SOX10: variants seen among roughly 807,000 people sequenced by gnomAD.
The protein encoded by SOX10 is transcription factor SOX-10.
In SOX10, 3 loss-of-function variants were observed where a neutral mutation model predicts 35.0. The observed-to-expected ratio is 0.09, with a 90% CI of 0.04 to 0.22. The LOEUF is 0.22. Ranked by LOEUF, SOX10 falls within the 10% of genes least tolerant of loss-of-function variation. SOX10 has a pLI of 1.00. For missense variants in SOX10, 436 were observed against 655.1 expected (o/e 0.67, Z 3.65); for synonymous variants, 285 against 291.0 (o/e 0.98, Z 0.21).
chr22:37,973,283 C>A lies in SOX10; in HGVS notation c.*212G>T. The A allele has an allele frequency of 1.8e-6, 1 of 555,118 alleles. No homozygotes were observed. Among genetic ancestry groups the A allele is most frequent in the South Asian group, 2.6e-5 (1 of 37,986 alleles). 34.4% of individuals were successfully genotyped at this position (555,118 alleles called of 1,614,324 possible). ...ACAGTCAACCTCCTTCTCCTCTGTC[C>A]AGCCTGTTCTCCTGGGGCTTTGCTG... On this transcript the variant is annotated 3_prime_UTR_variant, in exon 4 of 4. Coordinates refer to ENST00000396884, the MANE Select transcript of SOX10 (RefSeq NM_006941.4).
rs911182020 is a variant in SOX10 at position 37,980,211 on chromosome 22, C to G, written c.429-2076G>C. Among the ~76,000 whole-genome samples the G allele has an allele frequency of 1.3e-5, 2 of 152,080 alleles. No individual in the cohort carries two copies. The highest frequency in any genetic ancestry group is 4.8e-5 in the African/African-American group (2 of 41,398). On this transcript the variant is annotated intron_variant, in intron 2 of 3. Coordinates refer to ENST00000396884, the MANE Select transcript of SOX10 (RefSeq NM_006941.4). This position sits in a 1 kb window ranked among gnomAD's most constrained non-coding sequence, Gnocchi z 4.1. ...GGGCACCCTCTCTGACGGCTGGGACCAGGGGAGGGGGTGGAGCAGGCCTTG... is the reference window on the plus strand; with the variant it reads ...GGGCACCCTCTCTGACGGCTGGGACGAGGGGAGGGGGTGGAGCAGGCCTTG...
intron 2 of SOX10, among the ~76,000 whole-genome samples, chr22:37,982,088 A>C (rs1932417439): frequency 6.6e-6 from 1 of 152,082 alleles, no homozygotes; most frequent in Admixed American, 6.5e-5. Flanking sequence ...CAAAGCCCTA[A>C]TTTTCTGGAA....
chr22:37,983,942 C>T lies in SOX10; in HGVS notation c.-84-74G>A, dbSNP rs1242242603. The T allele has an allele frequency of 2.1e-6, 1 of 486,506 alleles. No homozygotes were observed. The highest frequency in any genetic ancestry group is 2.1e-5 in the African/African-American group (1 of 47,268). 30.1% of individuals were successfully genotyped at this position (486,506 alleles called of 1,614,324 possible). A position where few individuals can be genotyped will look rare whatever the true frequency, so the allele number is the denominator to read the frequency against. ...GGCGGCCCGAGACAGGACGTGGGCA[C>T]AGCCCCGAGGTGGCGGCCCTTCCTG... On this transcript the variant is annotated intron_variant, in intron 1 of 3. Coordinates refer to ENST00000396884, the MANE Select transcript of SOX10 (RefSeq NM_006941.4). This position sits in a 1 kb window ranked among gnomAD's most constrained non-coding sequence, Gnocchi z 9.5.
chr22:37,973,300 G>A lies in SOX10; in HGVS notation c.*195C>T. 1.8e-6 allele frequency: 1 copy of A among 566,164 alleles called. No individual in the cohort carries two copies. The highest frequency in any genetic ancestry group is 3.1e-6 in the Non-Finnish European group (1 of 318,418). 35.1% of individuals were successfully genotyped at this position (566,164 alleles called of 1,614,324 possible). A position where few individuals can be genotyped will look rare whatever the true frequency, so the allele number is the denominator to read the frequency against. On this transcript the variant is annotated 3_prime_UTR_variant, in exon 4 of 4. Transcript: ENST00000396884. ...CCTCTGTCCAGCCTGTTCTCCTGGG[G>A]CTTTGCTGCTGGAGCCTGGATGGGG...
Position 37,984,320 on chromosome 22 carries a change from G to C in SOX10, c.-85+19C>G, listed in dbSNP as rs1569171598. The C allele has an allele frequency of 1.3e-5, 2 of 153,138 alleles. No individual in the cohort carries two copies. Among genetic ancestry groups the C allele is most frequent in the Non-Finnish European group, 2.9e-5 (2 of 68,514 alleles). The allele number at this position is 153,138 out of a possible 1,614,324, so 9.5% of individuals were successfully genotyped here. A position where few individuals can be genotyped will look rare whatever the true frequency, so the allele number is the denominator to read the frequency against. On this transcript the variant is annotated intron_variant, in intron 1 of 3. Transcript: ENST00000396884. This position sits in a 1 kb window ranked among gnomAD's most constrained non-coding sequence, Gnocchi z 4.4. ...TCCCAGGCCTGGGCGGGCCAGGGAG[G>C]AGCAGGCTGCGCACTCACCTCCTCG...
Position 37,983,810 on chromosome 22 carries a change from G to A in SOX10, c.-26C>T, listed in dbSNP as rs1932485233. Reference sequence around the variant, plus strand: ...GTCGCCCCCGGCCGCCGCCGCCGCCGCCTCGGCCGCCTCCCCCGGGCCAGC... The same window carrying A: ...GTCGCCCCCGGCCGCCGCCGCCGCCACCTCGGCCGCCTCCCCCGGGCCAGC... On this transcript the variant is annotated 5_prime_UTR_variant, in exon 2 of 4. Coordinates refer to ENST00000396884, the MANE Select transcript of SOX10 (RefSeq NM_006941.4). The surrounding 1 kb of genome is among the most constrained non-coding windows in gnomAD (Gnocchi z 9.5). 7.1e-7 allele frequency: 1 copy of A among 1,403,662 alleles called. No individual in the cohort carries two copies. The highest frequency in any genetic ancestry group is 2.7e-5 in the Admixed American group (1 of 36,944). 87.0% of individuals were successfully genotyped at this position (1,403,662 alleles called of 1,614,324 possible). A position where few individuals can be genotyped will look rare whatever the true frequency, so the allele number is the denominator to read the frequency against.
chr22:37,972,555 C>T lies in SOX10; in HGVS notation c.*940G>A, dbSNP rs980160029. Reference sequence around the variant, plus strand: ...GTACAGGTCAGGATTCTAGTGTCTTCAGCCTGCCGACAGCAACCTGGGTGC... The same window carrying T: ...GTACAGGTCAGGATTCTAGTGTCTTTAGCCTGCCGACAGCAACCTGGGTGC... On this transcript the variant is annotated 3_prime_UTR_variant, in exon 4 of 4. Transcript: ENST00000396884. 4.1e-6 allele frequency: 1 copy of T among 242,268 alleles called. No homozygotes were observed. The highest frequency in any genetic ancestry group is 8.3e-6 in the Non-Finnish European group (1 of 121,090). The allele number at this position is 242,268 out of a possible 1,614,324, so 15.0% of individuals were successfully genotyped here. A position where few individuals can be genotyped will look rare whatever the true frequency, so the allele number is the denominator to read the frequency against.
At chr22:37,982,546 C>T (rs1932432588) in intron 2 of SOX10, among the ~76,000 whole-genome samples, 1 of 152,168 alleles carries the variant, frequency 6.6e-6, no homozygotes, top group Non-Finnish European at 1.5e-5. Flanking sequence ...CTGAGGGCCC[C>T]TGGGCAGGAA....
At chr22:37,977,029 G>A (rs1003769412) in intron 3 of SOX10, among the ~76,000 whole-genome samples, 2 of 151,794 alleles carry the variant, frequency 1.3e-5, no homozygotes, top group African/African-American at 4.8e-5. Flanking sequence ...TGAGCCAGAC[G>A]TGGCGGTGTG....
In SOX10 at chr22:37,974,260, C is replaced by T. The variant is rs1420901038; in HGVS notation, c.698-62G>A. ...GGGAAGCAGGTTAGAGGCAGGTGGG[C>T]GCACGTGAACTTCCATGGTTCACCT... On this transcript the variant is annotated intron_variant, in intron 3 of 3. Transcript: ENST00000396884. This position sits in a 1 kb window ranked among gnomAD's most constrained non-coding sequence, Gnocchi z 5.4. 8.5e-5 allele frequency: 110 copies of T among 1,287,416 alleles called. 1 individual carries two copies. The South Asian group carries it at 1.1e-3, about 13-fold the overall frequency. The allele number at this position is 1,287,416 out of a possible 1,614,324, so 79.7% of individuals were successfully genotyped here. A position where few individuals can be genotyped will look rare whatever the true frequency, so the allele number is the denominator to read the frequency against.
chr22:37,976,206 G>A (rs1382387185), intron 3 of SOX10, among the ~76,000 whole-genome samples: 1 of 152,150 alleles, frequency 6.6e-6, no homozygotes, highest in Non-Finnish European at 1.5e-5. Flanking sequence ...CTGGGCAACA[G>A]AGCAAGACTC....
At position 37,983,812 on chromosome 22, in the gene SOX10, C is replaced by A; in HGVS notation, c.-28G>T. ...CGCCCCCGGCCGCCGCCGCCGCCGC[C>A]TCGGCCGCCTCCCCCGGGCCAGCCG... On this transcript the variant is annotated 5_prime_UTR_variant, in exon 2 of 4. It adds an upstream start codon to the 5' untranslated region. Transcript: ENST00000396884. The surrounding 1 kb of genome is among the most constrained non-coding windows in gnomAD (Gnocchi z 9.5). 7.1e-7 allele frequency: 1 copy of A among 1,406,282 alleles called. No individual in the cohort carries two copies. Among genetic ancestry groups the A allele is most frequent in the Admixed American group, 2.7e-5 (1 of 37,160 alleles). 87.1% of individuals were successfully genotyped at this position (1,406,282 alleles called of 1,614,324 possible).
In SOX10 at chr22:37,978,194, C is replaced by G; in HGVS notation, c.429-59G>C. On this transcript the variant is annotated intron_variant, in intron 2 of 3. Coordinates refer to ENST00000396884, the MANE Select transcript of SOX10 (RefSeq NM_006941.4). The surrounding 1 kb of genome is among the most constrained non-coding windows in gnomAD (Gnocchi z 5.0). ...AGGGGCTGGCGTGAATGCCAGAGCA[C>G]TCCAGGTTGGCCTCCCTCTGAGTGT... 1 of 1,455,196 alleles carries G rather than the reference C, an allele frequency of 6.9e-7. No individual in the cohort carries two copies. Among genetic ancestry groups the G allele is most frequent in the East Asian group, 2.4e-5 (1 of 40,952 alleles). The allele number at this position is 1,455,196 out of a possible 1,614,324, so 90.1% of individuals were successfully genotyped here.
In SOX10 at chr22:37,980,151, C is replaced by T. The variant is rs766260152; in HGVS notation, c.429-2016G>A. Among the ~76,000 whole-genome samples the T allele has an allele frequency of 5.9e-5, 9 of 152,092 alleles. No individual in the cohort carries two copies. Among genetic ancestry groups the T allele is most frequent in the Admixed American group, 2.0e-4 (3 of 15,274 alleles). ...GTGTACACACTTAGGACAAAGATGC[C>T]GGAGCAGGGCCTTGAGAGTCAGGGA... On this transcript the variant is annotated intron_variant, in intron 2 of 3. Transcript: ENST00000396884. The surrounding 1 kb of genome is among the most constrained non-coding windows in gnomAD (Gnocchi z 4.1).
chr22:37,983,282 G>A lies in SOX10; in HGVS notation c.428+75C>T. The A allele has an allele frequency of 1.3e-6, 2 of 1,505,968 alleles. No homozygotes were observed. Among genetic ancestry groups the A allele is most frequent in the Non-Finnish European group, 1.8e-6 (2 of 1,113,564 alleles). The allele number at this position is 1,505,968 out of a possible 1,614,324, so 93.3% of individuals were successfully genotyped here. ...GACAGTCCCGCTCTGAGGTGCAGGA[G>A]GCCGGGCCGCCTCGGCTACCCTGAA... On this transcript the variant is annotated intron_variant, in intron 2 of 3. Coordinates refer to ENST00000396884, the MANE Select transcript of SOX10 (RefSeq NM_006941.4). The surrounding 1 kb of genome is among the most constrained non-coding windows in gnomAD (Gnocchi z 9.5).
Position 37,983,684 on chromosome 22 carries a change from T to C in SOX10, c.101A>G (p.Asp34Gly), listed in dbSNP as rs2145777610. The C allele has an allele frequency of 1.9e-6, 3 of 1,554,844 alleles. No homozygotes were observed. The highest frequency in any genetic ancestry group is 2.6e-6 in the Non-Finnish European group (3 of 1,157,262). ...SPGSAPSLGPDGGGGGSGLRA... is the reference protein window; with the variant it reads ...SPGSAPSLGPGGGGGGSGLRA... Reference sequence around the variant, plus strand: ...CAGGCCCGATCCGCCGCCGCCGCCGTCGGGCCCTAGCGAGGGCGCGCTCCC... The same window carrying C: ...CAGGCCCGATCCGCCGCCGCCGCCGCCGGGCCCTAGCGAGGGCGCGCTCCC... Residue 34 changes from aspartate to glycine, a missense_variant, in exon 2 of 4, where the codon GAC becomes GGC. By Grantham distance (94) the Asp-to-Gly change is moderately conservative. Transcript: ENST00000396884. This position sits in a 1 kb window ranked among gnomAD's most constrained non-coding sequence, Gnocchi z 9.5.
Position 37,974,191 on chromosome 22 carries a change from G to A in SOX10, c.705C>T (p.Ser235=). Residue 235 remains serine, a synonymous_variant, in exon 4 of 4, where the codon AGC becomes AGT. Transcript: ENST00000396884. This position sits in a 1 kb window ranked among gnomAD's most constrained non-coding sequence, Gnocchi z 5.4. ...TGGTTGGAGGGGTGGGTGGGCCATGGCTCTGGCCTGGGTAGAAGGGAGACA... is the reference window on the plus strand; with the variant it reads ...TGGTTGGAGGGGTGGGTGGGCCATGACTCTGGCCTGGGTAGAAGGGAGACA... ...DGNPEHPSGQ[S]HGPPTPPTTP... The A allele has an allele frequency of 6.2e-7, 1 of 1,602,638 alleles. No individual in the cohort carries two copies. The highest frequency in any genetic ancestry group is 1.1e-5 in the South Asian group (1 of 90,990).
chr22:37,975,510 A>C (rs1361804694), intron 3 of SOX10, among the ~76,000 whole-genome samples: 2 of 152,120 alleles, frequency 1.3e-5, no homozygotes, highest in East Asian at 3.9e-4. Context: ...TTGAAGGTGA[A>C]GAGTATGTAC....
chr22:37,977,819 T>A (rs1932267483), intron 3 of SOX10, 48 bp downstream of exon 3: 1 of 1,574,426 alleles, frequency 6.4e-7, no homozygotes, highest in African/African-American at 1.3e-5. Context: ...ATCTCCTGTC[T>A]CCACTGACTG....
Sources: gnomAD v4.1 joint callset for allele counts (sites outside exome capture counted in the v4.1 genomes callset) on GRCh38, gnomAD v4.1.1 for gene constraint, Gnocchi (gnomAD v3.1) non-coding constraint, MANE v1.5 for transcripts, NCBI Gene and HGNC (gene_info 2026-07-23, HGNC 2026-07-21) for gene names.